The following MSRA variants were observed in gnomAD, a reference collection of about 807,000 sequenced individuals.
The protein encoded by MSRA is methionine sulfoxide reductase A.
A neutral mutation model predicts 31.3 loss-of-function variants in MSRA; 54 were observed. That is an observed-to-expected ratio of 1.73 (90% confidence interval 1.39 to 2.17). The LOEUF (loss-of-function observed/expected upper bound fraction) is 2.17. Among genes scored for constraint, MSRA ranks in the 30% most tolerant of loss-of-function variants. The probability of loss-of-function intolerance (pLI) is 0.00; values close to 1 mark genes in which losing one functional copy is unlikely to be tolerated. For synonymous variants in MSRA, 169 were observed against 116.5 expected (o/e 1.45, Z -2.90); for missense variants, 507 against 300.9 (o/e 1.69, Z -5.07).
At chr8:10,354,331 A>T (rs748750245) in intron 5 of MSRA, among the ~76,000 whole-genome samples, 2 of 152,206 alleles carry the variant, frequency 1.3e-5, no homozygotes, top group Non-Finnish European at 2.9e-5. Flanking sequence ...GGCAAGATTC[A>T]AGGGTAGCAC....
chr8:10,330,594 G>T (rs534973858), intron 5 of MSRA, among the ~76,000 whole-genome samples: 1 of 152,336 alleles, frequency 6.6e-6, no homozygotes, highest in East Asian at 1.9e-4. Flanking sequence ...GCAAAGTCTT[G>T]TGAAGTTTGT....
chr8:10,122,124 C>A lies in MSRA; in HGVS notation c.142+67466C>A, dbSNP rs865924337. Among the ~76,000 whole-genome samples, 19 of 152,168 alleles carry A rather than the reference C, an allele frequency of 1.2e-4. No individual in the cohort carries two copies. In the Middle Eastern group the frequency reaches 0.014, roughly 109 times the overall value. ...ACCATGGCAAAGCTGGAAGGGTCTG[C>A]AGAGCTACCCAGCATGCTGCTGGTG... On this transcript the variant is annotated intron_variant, in intron 1 of 5. Coordinates refer to ENST00000317173, the MANE Select transcript of MSRA (RefSeq NM_012331.5).
chr8:10,138,230 C>G (rs931600871), intron 1 of MSRA, among the ~76,000 whole-genome samples: 2 of 152,166 alleles, frequency 1.3e-5, no homozygotes, highest in Non-Finnish European at 2.9e-5. Flanking sequence ...ATGGATATCT[C>G]TTTGAGAGGT....
At chr8:10,139,929 T>A (rs1802566770) in intron 1 of MSRA, among the ~76,000 whole-genome samples, 1 of 152,178 alleles carries the variant, frequency 6.6e-6, no homozygotes, top group African/African-American at 2.4e-5. Flanking sequence ...GAGAGAAGAT[T>A]TCTGTTCTTA....
chr8:10,318,868 C>CAG (rs1801877576), intron 4 of MSRA, among the ~76,000 whole-genome samples: 1 of 152,156 alleles, frequency 6.6e-6, no homozygotes, highest in Non-Finnish European at 1.5e-5. Context: ...ACAGATGCTT[C>CAG]CTGGGTTACA....
intron 5 of MSRA, among the ~76,000 whole-genome samples, chr8:10,403,284 T>C (rs1335767770): frequency 6.6e-6 from 1 of 152,112 alleles, no homozygotes; most frequent in Admixed American, 6.5e-5. Context: ...CCTCCCTGAG[T>C]GATGTCCCAG....
At chr8:10,186,030 C>A (rs1220623989) in intron 1 of MSRA, among the ~76,000 whole-genome samples, 1 of 152,120 alleles carries the variant, frequency 6.6e-6, no homozygotes, top group Non-Finnish European at 1.5e-5. Flanking sequence ...ATGGCACTTT[C>A]CACACAATAC....
intron 5 of MSRA, among the ~76,000 whole-genome samples, chr8:10,367,393 TGTATACGAAAAAATATA>T (rs1585599113): frequency 2.6e-5 from 4 of 152,226 alleles, no homozygotes; most frequent in African/African-American, 9.6e-5. Flanking sequence ...CAGGTAGGTA[TGTATACGAAAAAATATA>T]GTATATATAG....
intron 5 of MSRA, among the ~76,000 whole-genome samples, chr8:10,425,511 C>T (rs1003049645): frequency 1.3e-5 from 2 of 152,250 alleles, no homozygotes; most frequent in African/African-American, 4.8e-5. Context: ...CCACGCTGTG[C>T]TCAGAGAATC....
chr8:10,206,968 A>G (rs570850301), intron 1 of MSRA, among the ~76,000 whole-genome samples: 24 of 152,286 alleles, frequency 1.6e-4, no homozygotes, highest in African/African-American at 5.8e-4. Context: ...AGTGTGACCC[A>G]TTACATCAAA....
intron 5 of MSRA, among the ~76,000 whole-genome samples, chr8:10,373,962 G>C (rs1215525303): frequency 6.6e-6 from 1 of 152,182 alleles, no homozygotes; most frequent in Non-Finnish European, 1.5e-5. Context: ...ACTGTGGGCT[G>C]GACCCAAGGG....
chr8:10,067,653 C>G (rs562774881), intron 1 of MSRA, among the ~76,000 whole-genome samples: 2 of 152,174 alleles, frequency 1.3e-5, no homozygotes, highest in Non-Finnish European at 2.9e-5. Context: ...ATGAGGGTTC[C>G]TCTTGCTCCA....
chr8:10,194,256 C>T (rs919479306), intron 1 of MSRA, among the ~76,000 whole-genome samples: 8 of 152,138 alleles, frequency 5.3e-5, no homozygotes, highest in African/African-American at 1.7e-4. Flanking sequence ...TCTTAAAATC[C>T]TTCCCCCCCT....
chr8:10,115,275 G>A (rs1800593598), intron 1 of MSRA, among the ~76,000 whole-genome samples: 1 of 152,206 alleles, frequency 6.6e-6, no homozygotes, highest in African/African-American at 2.4e-5. Context: ...AAGAGTAACT[G>A]CGGTCATGGT....
At chr8:10,135,951 G>C (rs952414644) in intron 1 of MSRA, among the ~76,000 whole-genome samples, 9 of 152,150 alleles carry the variant, frequency 5.9e-5, no homozygotes, top group Non-Finnish European at 1.3e-4. Flanking sequence ...AAGGATCCTT[G>C]GGGGCTGCGT....
chr8:10,405,519 C>G (rs1283277830), intron 5 of MSRA, among the ~76,000 whole-genome samples: 1 of 151,606 alleles, frequency 6.6e-6, no homozygotes, highest in African/African-American at 2.4e-5. Context: ...TTTTTTCCTT[C>G]TTTTTACCCT....
At position 10,328,888 on chromosome 8, in the gene MSRA, C is replaced by G. The variant is rs556512461; in HGVS notation, c.543+8899C>G. On this transcript the variant is annotated intron_variant, in intron 5 of 5. Coordinates refer to ENST00000317173, the MANE Select transcript of MSRA (RefSeq NM_012331.5). ...TACTTCTTTGTATTTCAAAGTTGAT[C>G]CCTTCATGGACTCACTGTTGCCACA... Among the ~76,000 whole-genome samples, 158 of 152,248 alleles carry G rather than the reference C, an allele frequency of 1.0e-3. 5 individuals are homozygous for G. In the South Asian group the frequency reaches 0.032, roughly 31 times the overall value.
At chr8:10,147,490 G>T (rs1803245557) in intron 1 of MSRA, among the ~76,000 whole-genome samples, 1 of 152,192 alleles carries the variant, frequency 6.6e-6, no homozygotes, top group Admixed American at 6.5e-5. Flanking sequence ...ATGAGTGAAA[G>T]TCACAGTGTC....
intron 1 of MSRA, among the ~76,000 whole-genome samples, chr8:10,056,673 G>T (rs567934325): frequency 2.0e-5 from 3 of 152,264 alleles, no homozygotes; most frequent in Non-Finnish European, 4.4e-5. Flanking sequence ...GTTGCTGAAA[G>T]CCCTGACTGG....
Sources: gnomAD v4.1 joint callset for allele counts (sites outside exome capture counted in the v4.1 genomes callset) on GRCh38, gnomAD v4.1.1 for gene constraint, MANE v1.5 for transcripts, NCBI Gene and HGNC (gene_info 2026-07-23, HGNC 2026-07-21) for gene names.